The following BMAL1 variants were observed in gnomAD, a reference collection of about 807,000 sequenced individuals.
The protein encoded by BMAL1 is basic helix-loop-helix ARNT like 1, also known as basic helix-loop-helix ARNT-like protein 1.
chr11:13,288,754 A>C, the BMAL1 span, among the ~76,000 whole-genome samples: 2 of 152,176 alleles, frequency 1.3e-5, no homozygotes, highest in Non-Finnish European at 2.9e-5. Context: ...TCCAGGAAGG[A>C]GAGAGAGAAG....
chr11:13,306,540 G>C, the BMAL1 span, among the ~76,000 whole-genome samples: 1 of 152,226 alleles, frequency 6.6e-6, no homozygotes, highest in African/African-American at 2.4e-5. Flanking sequence ...TGGACTTACT[G>C]TGCTTCCCCT....
the BMAL1 span, chr11:13,385,803 C>T: frequency 6.3e-7 from 1 of 1,590,722 alleles, no homozygotes; most frequent in East Asian, 2.2e-5. Flanking sequence ...TAAGTGGCAT[C>T]ATTATTCGTT....
the BMAL1 span, among the ~76,000 whole-genome samples, chr11:13,334,469 C>G: frequency 6.6e-6 from 1 of 152,064 alleles, no homozygotes; most frequent in African/African-American, 2.4e-5. Context: ...TCTGCCAGGC[C>G]CCACAGGGTT....
At chr11:13,314,131 A>G in the BMAL1 span, among the ~76,000 whole-genome samples, 1 of 152,098 alleles carries the variant, frequency 6.6e-6, no homozygotes, top group South Asian at 2.1e-4. Context: ...CCTGGCTCCC[A>G]GAACACCCTC....
the BMAL1 span, among the ~76,000 whole-genome samples, chr11:13,332,363 T>C: frequency 6.6e-6 from 1 of 152,218 alleles, no homozygotes. Context: ...CACATATTTG[T>C]TTTTCCTAAT....
the BMAL1 span, among the ~76,000 whole-genome samples, chr11:13,284,226 A>G: frequency 4.0e-3 from 270 of 68,008 alleles, 24 homozygotes; most frequent in South Asian, 0.028. Context: ...ATATATATAT[A>G]TGTGTGTGTA....
chr11:13,371,309 C>T, the BMAL1 span, among the ~76,000 whole-genome samples: 1 of 152,076 alleles, frequency 6.6e-6, no homozygotes, highest in Admixed American at 6.5e-5. Context: ...CAGTGAATGA[C>T]ACCAGCAACC....
chr11:13,327,031 A>G, the BMAL1 span, among the ~76,000 whole-genome samples: 5 of 152,014 alleles, frequency 3.3e-5, no homozygotes, highest in African/African-American at 9.6e-5. Flanking sequence ...CGTGTTAGCC[A>G]GGATGGTCTC....
the BMAL1 span, among the ~76,000 whole-genome samples, chr11:13,358,969 A>T: frequency 1.3e-5 from 2 of 152,258 alleles, no homozygotes; most frequent in African/African-American, 4.8e-5. Context: ...GCACACAGTG[A>T]CACAGAAAAG....
At chr11:13,372,484 T>C in the BMAL1 span, 1 of 1,569,658 alleles carries the variant, frequency 6.4e-7, no homozygotes, top group Non-Finnish European at 8.6e-7. Flanking sequence ...CAGAGAAGAC[T>C]GGGCCATCAG....
At chr11:13,332,621 G>A in the BMAL1 span, among the ~76,000 whole-genome samples, 1 of 152,178 alleles carries the variant, frequency 6.6e-6, no homozygotes, top group Non-Finnish European at 1.5e-5. Flanking sequence ...CATGATGGAG[G>A]CTGCCCCAGC....
chr11:13,281,520 ATTTCT>A, the BMAL1 span, among the ~76,000 whole-genome samples: 36 of 151,646 alleles, frequency 2.4e-4, no homozygotes, highest in Non-Finnish European at 5.0e-4. Context: ...CCTTTGCAGT[ATTTCT>A]TTTATTTTTT....
chr11:13,349,097 C>T, the BMAL1 span, among the ~76,000 whole-genome samples: 932 of 152,324 alleles, frequency 6.1e-3, 11 homozygotes, highest in African/African-American at 0.021. Flanking sequence ...GGAGACCCCT[C>T]AGTCCTTTCA....
the BMAL1 span, among the ~76,000 whole-genome samples, chr11:13,340,986 G>A: frequency 0.011 from 1,712 of 152,310 alleles, 15 homozygotes; most frequent in Non-Finnish European, 0.019. Flanking sequence ...AGGACATGCA[G>A]CTAGTAAGTG....
At chr11:13,374,212 A>C in the BMAL1 span, 1 of 1,608,958 alleles carries the variant, frequency 6.2e-7, no homozygotes. Context: ...GTAAGCTAGG[A>C]TGTATGAAAG....
chr11:13,315,128 G>A, the BMAL1 span, among the ~76,000 whole-genome samples: 1 of 152,134 alleles, frequency 6.6e-6, no homozygotes, highest in Non-Finnish European at 1.5e-5. Context: ...TCTCAGCACC[G>A]AGGTGTCCTG....
the BMAL1 span, chr11:13,386,851 G>C: frequency 6.9e-7 from 1 of 1,443,862 alleles, no homozygotes; most frequent in South Asian, 1.4e-5. Context: ...GGAGAGAATA[G>C]CTTTTATGTA....
At chr11:13,324,552 A>G in the BMAL1 span, among the ~76,000 whole-genome samples, 2 of 152,124 alleles carry the variant, frequency 1.3e-5, no homozygotes, top group African/African-American at 2.4e-5. Flanking sequence ...CGCTGCTTCA[A>G]CCATTCTGTC....
chr11:13,277,989 C>T, the BMAL1 span: 1 of 151,412 alleles, frequency 6.6e-6, no homozygotes. Context: ...CCGTTAGCAC[C>T]CTCGCGGGCG....
Sources: allele counts gnomAD v4.1 joint callset (sites outside exome capture counted in the v4.1 genomes callset), GRCh38; gene constraint gnomAD v4.1.1; transcripts MANE v1.5; gene names NCBI Gene and HGNC (gene_info 2026-07-23, HGNC 2026-07-21).